Variants in ZBTB44 observed in about 807,000 individuals in gnomAD.
ZBTB44 encodes the protein zinc finger and BTB domain containing 44.
Under a neutral mutation model 54.0 loss-of-function variants are expected in ZBTB44, and 15 were observed. The observed-to-expected ratio is 0.28, with a 90% CI of 0.19 to 0.43. ZBTB44 has a LOEUF of 0.43. ZBTB44 is among the 20% of genes least tolerant of loss of function. The pLI is 1.00. For synonymous variants in ZBTB44, 230 were observed against 250.1 expected (o/e 0.92, Z 0.76); for missense variants, 487 against 707.1 (o/e 0.69, Z 3.53).
chr11:130,258,726 C>T (rs866104778), intron 2 of ZBTB44, among the ~76,000 whole-genome samples: 2 of 152,174 alleles, frequency 1.3e-5, no homozygotes, highest in South Asian at 4.1e-4. Context: ...AACATAGGTG[C>T]TTTCTTGATA....
At position 130,261,297 on chromosome 11, in the gene ZBTB44, C is replaced by G. The variant is rs747835634; in HGVS notation, c.577G>C (p.Glu193Gln). The change falls in exon 2 of 8, where the codon GAA becomes CAA. Residue 193 changes from glutamate to glutamine, a missense_variant. By Grantham distance (29) the Glu-to-Gln change is conservative. Coordinates refer to ENST00000357899, the MANE Select transcript of ZBTB44 (RefSeq NM_001301098.2). The surrounding 1 kb of genome is among the most constrained non-coding windows in gnomAD (Gnocchi z 4.8). ...TGTGTGCCACACTTTACAGGACTTT[C>G]AGGAGACATAACAATGTAGCTTTTG... Reference protein sequence around the residue: ...KRKSYIVMSPESPVKCGTQTS... With the variant: ...KRKSYIVMSPQSPVKCGTQTS... 6.2e-7 allele frequency: 1 copy of G among 1,613,868 alleles called. No individual in the cohort carries two copies. Among genetic ancestry groups the G allele is most frequent in the South Asian group, 1.1e-5 (1 of 91,080 alleles).
intron 1 of ZBTB44, among the ~76,000 whole-genome samples, chr11:130,279,235 C>G (rs993691371): frequency 6.6e-6 from 1 of 151,168 alleles, no homozygotes; most frequent in Non-Finnish European, 1.5e-5. Context: ...CCACAGTCAC[C>G]CTGGACTTAC....
At chr11:130,302,961 G>C (rs1004929261) in intron 1 of ZBTB44, among the ~76,000 whole-genome samples, 9 of 152,156 alleles carry the variant, frequency 5.9e-5, no homozygotes, top group African/African-American at 2.2e-4. Flanking sequence ...GGGGACCAGA[G>C]TGAAACTCCA....
At chr11:130,262,575 T>A (rs958220669) in intron 1 of ZBTB44, among the ~76,000 whole-genome samples, 1 of 152,192 alleles carries the variant, frequency 6.6e-6, no homozygotes, top group Non-Finnish European at 1.5e-5. Context: ...CATATCTCTA[T>A]CAGTAGGCGT....
At chr11:130,305,283 G>A (rs9943534) in intron 1 of ZBTB44, among the ~76,000 whole-genome samples, 5,008 of 152,162 alleles carry the variant, frequency 0.033, 256 homozygotes, top group African/African-American at 0.11. Flanking sequence ...AACCAAAAAA[G>A]AGCCCACATA....
intron 1 of ZBTB44, chr11:130,296,134 T>G: frequency 6.7e-7 from 1 of 1,494,960 alleles, no homozygotes; most frequent in Non-Finnish European, 9.3e-7. Context: ...GACTATGCTC[T>G]TTTCTGCCAC....
At chr11:130,246,016 C>G (rs1017151944) in intron 2 of ZBTB44, among the ~76,000 whole-genome samples, 1 of 152,188 alleles carries the variant, frequency 6.6e-6, no homozygotes, top group East Asian at 1.9e-4. Flanking sequence ...ACTATTTTCC[C>G]TCACCCATGG....
intron 7 of ZBTB44, 188 bp downstream of exon 7, chr11:130,233,120 A>C (rs1180608626): frequency 1.8e-6 from 1 of 554,148 alleles, no homozygotes; most frequent in East Asian, 3.0e-5. Context: ...AAAATATAGA[A>C]TATCTCCAGT....
chr11:130,312,222 A>G (rs563079153), intron 1 of ZBTB44, among the ~76,000 whole-genome samples: 1 of 152,342 alleles, frequency 6.6e-6, no homozygotes, highest in East Asian at 1.9e-4. Context: ...AAAAACCACT[A>G]AGCAAAAGAT....
At chr11:130,258,493 C>G (rs1428171604) in intron 2 of ZBTB44, among the ~76,000 whole-genome samples, 5 of 152,094 alleles carry the variant, frequency 3.3e-5, no homozygotes, top group Non-Finnish European at 5.9e-5. Flanking sequence ...TGTTTTTATC[C>G]CTTTAATGTA....
intron 7 of ZBTB44, chr11:130,232,433 A>C (rs1306952353): frequency 1.3e-5 from 2 of 152,218 alleles, no homozygotes; most frequent in African/African-American, 4.8e-5. Context: ...CCAAGTCTAG[A>C]GGATCATACA....
At chr11:130,297,475 T>C (rs1941719612) in intron 1 of ZBTB44, among the ~76,000 whole-genome samples, 1 of 152,218 alleles carries the variant, frequency 6.6e-6, no homozygotes, top group African/African-American at 2.4e-5. Flanking sequence ...TGGGGTTGAA[T>C]TGGGTTCTCT....
At chr11:130,242,555 T>A (rs558588545) in intron 2 of ZBTB44, among the ~76,000 whole-genome samples, 139 of 152,118 alleles carry the variant, frequency 9.1e-4, no homozygotes, top group African/African-American at 3.2e-3. Context: ...TTTTCAAATA[T>A]AAATATTTCA....
intron 1 of ZBTB44, among the ~76,000 whole-genome samples, chr11:130,269,757 T>C (rs1281281928): frequency 6.6e-6 from 1 of 152,160 alleles, no homozygotes; most frequent in Admixed American, 6.5e-5. Context: ...TAAATCTGAG[T>C]CAAGTTGTTC....
chr11:130,313,758 C>T (rs188862324), intron 1 of ZBTB44, among the ~76,000 whole-genome samples: 1 of 151,984 alleles, frequency 6.6e-6, no homozygotes, highest in Non-Finnish European at 1.5e-5. Flanking sequence ...ATTGTAAATT[C>T]TGCTTGGATT....
intron 3 of ZBTB44, 177 bp downstream of exon 3, chr11:130,239,635 A>T (rs541678883): frequency 2.1e-5 from 10 of 467,146 alleles, no homozygotes; most frequent in Middle Eastern, 5.4e-4. Context: ...GCTGGGGAAA[A>T]AAAAAAGCCT....
chr11:130,262,560 GTCA>G (rs758969261), intron 1 of ZBTB44, among the ~76,000 whole-genome samples: 7 of 152,152 alleles, frequency 4.6e-5, no homozygotes, highest in South Asian at 2.1e-4. Flanking sequence ...TTAGTTGATT[GTCA>G]TCATATCTCT....
intron 1 of ZBTB44, among the ~76,000 whole-genome samples, chr11:130,287,613 T>G (rs1204921659): frequency 6.6e-6 from 1 of 152,124 alleles, no homozygotes; most frequent in South Asian, 2.1e-4. Context: ...TTAAATAGAA[T>G]GAATGACTCT....
intron 1 of ZBTB44, among the ~76,000 whole-genome samples, chr11:130,274,204 G>C (rs1476080353): frequency 6.6e-6 from 1 of 152,094 alleles, no homozygotes; most frequent in African/African-American, 2.4e-5. Context: ...GCTCTAATGA[G>C]GATTTTGAGC....
Sources: allele counts gnomAD v4.1 joint callset (sites outside exome capture counted in the v4.1 genomes callset), GRCh38; gene constraint gnomAD v4.1.1; non-coding constraint Gnocchi (gnomAD v3.1); transcripts MANE v1.5; gene names NCBI Gene and HGNC (gene_info 2026-07-23, HGNC 2026-07-21).